Variants in ZEB1 observed in about 807,000 individuals in gnomAD.
ZEB1 encodes zinc finger E-box binding homeobox 1.
ZEB1 carries 21 observed loss-of-function variants against 84.9 expected under a neutral mutation model. The ratio of observed to expected loss-of-function variants is 0.25; its 90% confidence interval spans 0.18 to 0.36. The LOEUF (loss-of-function observed/expected upper bound fraction) is 0.36. ZEB1 is among the 10% of genes least tolerant of loss of function. ZEB1 has a pLI of 1.00. For synonymous variants in ZEB1, 420 were observed against 471.1 expected (o/e 0.89, Z 1.41); for missense variants, 1,104 against 1,330.2 (o/e 0.83, Z 2.65).
At chr10:31,490,416 T>C (rs766511628) in intron 2 of ZEB1, among the ~76,000 whole-genome samples, 4 of 151,736 alleles carry the variant, frequency 2.6e-5, no homozygotes, top group Non-Finnish European at 4.4e-5. Flanking sequence ...ATAGTTTCCA[T>C]TGATGTACTG....
At chr10:31,404,820 A>T (rs1199938726) in intron 1 of ZEB1, among the ~76,000 whole-genome samples, 1 of 152,114 alleles carries the variant, frequency 6.6e-6, no homozygotes, top group Non-Finnish European at 1.5e-5. Context: ...GAAGGCAGAG[A>T]TGGATGACTT....
intron 4 of ZEB1, among the ~76,000 whole-genome samples, chr10:31,504,444 T>C (rs2068612371): frequency 6.6e-6 from 1 of 152,156 alleles, no homozygotes; most frequent in Non-Finnish European, 1.5e-5. Context: ...ATTGGTCTTT[T>C]GTGGTTCCGT....
chr10:31,356,569 G>C (rs2042161110), intron 1 of ZEB1, among the ~76,000 whole-genome samples: 1 of 152,062 alleles, frequency 6.6e-6, no homozygotes, highest in Admixed American at 6.6e-5. Context: ...TCTAGAGATA[G>C]ACTGCTGGTT....
rs2072922114 is a variant in ZEB1 at position 31,524,097 on chromosome 10, T to A, written c.2769T>A (p.His923Gln). The part of the protein sequence containing the change: ...IFQKSSSLLR[H>Q]KYEHTGKRPH... Reference sequence around the variant, plus strand: ...AAAAGAGTAGTTCATTATTGAGACATAAATATGAACACACAGGTATGTCAG... The same window carrying A: ...AAAAGAGTAGTTCATTATTGAGACAAAAATATGAACACACAGGTATGTCAG... The change falls in exon 8 of 9, where the codon CAT (histidine) becomes CAA (glutamine). Residue 923 changes from histidine (H) to glutamine (Q), a missense_variant. His to Gln is a conservative substitution (Grantham distance 24, BLOSUM62 0). Coordinates refer to ENST00000424869, the MANE Select transcript of ZEB1 (RefSeq NM_001174096.2). The A allele has an allele frequency of 3.1e-6, 5 of 1,613,590 alleles. No homozygotes were observed. The highest frequency in any genetic ancestry group is 4.2e-6 in the Non-Finnish European group (5 of 1,179,776).
rs779719030 is a variant in ZEB1 at position 31,495,857 on chromosome 10, C to G, written c.322+19C>G. The G allele has an allele frequency of 3.1e-6, 5 of 1,612,612 alleles. No homozygotes were observed. The highest frequency in any genetic ancestry group is 3.4e-6 in the Non-Finnish European group (4 of 1,178,876). ...TGTACAGGTACTCTGCTGCGACTTT[C>G]TTTCATACCATAGCCTTTAAAAGAA... On this transcript the variant is annotated intron_variant, in intron 3 of 8. Coordinates refer to ENST00000424869, the MANE Select transcript of ZEB1 (RefSeq NM_001174096.2).
chr10:31,376,522 C>T (rs982830774), intron 1 of ZEB1, among the ~76,000 whole-genome samples: 3 of 151,662 alleles, frequency 2.0e-5, no homozygotes, highest in East Asian at 1.9e-4. Context: ...ACATTATAAA[C>T]GTCATTTAAG....
chr10:31,395,237 C>T (rs1252989836), intron 1 of ZEB1, among the ~76,000 whole-genome samples: 1 of 152,184 alleles, frequency 6.6e-6, no homozygotes, highest in Non-Finnish European at 1.5e-5. Context: ...TCTAGTCTCA[C>T]TGTTCTTCAC....
chr10:31,346,563 G>GT (rs143806126), intron 1 of ZEB1, among the ~76,000 whole-genome samples: 2,571 of 148,936 alleles, frequency 0.017, 58 homozygotes, highest in African/African-American at 0.059. Context: ...TGCACGTAGA[G>GT]TTTTTTTTTT....
intron 1 of ZEB1, among the ~76,000 whole-genome samples, chr10:31,438,078 A>G (rs1010802400): frequency 2.0e-5 from 3 of 152,224 alleles, no homozygotes; most frequent in African/African-American, 7.2e-5. Context: ...TATGTGAGAT[A>G]CTATAACCTG....
At position 31,351,918 on chromosome 10, in the gene ZEB1, A is replaced by G. The variant is rs900051340; in HGVS notation, c.58+32626A>G. 1.3e-5 allele frequency among the ~76,000 whole-genome samples: 2 copies of G among 152,188 alleles called. 1 individual carries two copies. The highest frequency in any genetic ancestry group is 2.9e-5 in the Non-Finnish European group (2 of 67,996). ...TGATACTTCACCAAATACAATGTTTATCTTTAAAGAAGTTTCTAAATAAGA... is the reference window on the plus strand; with the variant it reads ...TGATACTTCACCAAATACAATGTTTGTCTTTAAAGAAGTTTCTAAATAAGA... On this transcript the variant is annotated intron_variant, in intron 1 of 8. Coordinates refer to ENST00000424869, the MANE Select transcript of ZEB1 (RefSeq NM_001174096.2).
chr10:31,344,817 G>A (rs2040015470), intron 1 of ZEB1, among the ~76,000 whole-genome samples: 1 of 151,942 alleles, frequency 6.6e-6, no homozygotes, highest in Admixed American at 6.6e-5. Context: ...ATATTAAGGT[G>A]GACTCCTGGA....
chr10:31,476,541 A>G (rs541676088), intron 2 of ZEB1, among the ~76,000 whole-genome samples: 1 of 152,184 alleles, frequency 6.6e-6, no homozygotes, highest in South Asian at 2.1e-4. Flanking sequence ...TCTACAAAGG[A>G]GAGCAGGTAC....
At chr10:31,467,836 C>T (rs952855369) in intron 2 of ZEB1, among the ~76,000 whole-genome samples, 2 of 152,152 alleles carry the variant, frequency 1.3e-5, no homozygotes, top group African/African-American at 4.8e-5. Flanking sequence ...AGGGTATAGC[C>T]TCATAGCCTT....
At chr10:31,353,547 CT>C (rs1179253562) in intron 1 of ZEB1, among the ~76,000 whole-genome samples, 5 of 152,168 alleles carry the variant, frequency 3.3e-5, no homozygotes, top group Non-Finnish European at 7.3e-5. Flanking sequence ...CCTAAGCCAT[CT>C]TTTTAGGTCA....
chr10:31,387,324 T>C lies in ZEB1; in HGVS notation c.58+68032T>C. ...GCCCAGGCTCCTAACCTAAGACTGG[T>C]TTTGGAATGCTCCATTGAGGGTGTG... On this transcript the variant is annotated intron_variant, in intron 1 of 8. Coordinates refer to ENST00000424869, the MANE Select transcript of ZEB1 (RefSeq NM_001174096.2). 3.0e-6 allele frequency: 3 copies of C among 985,350 alleles called. No individual in the cohort carries two copies. In the South Asian group the frequency reaches 1.4e-4, roughly 46 times the overall value. 61.0% of individuals were successfully genotyped at this position (985,350 alleles called of 1,614,324 possible). A position where few individuals can be genotyped will look rare whatever the true frequency, so the allele number is the denominator to read the frequency against.
chr10:31,502,379 A>G lies in ZEB1; in HGVS notation c.354A>G (p.Glu118=), dbSNP rs780977487. ...VKDDECESDA[E]NEQNHDPNVE... ...ATGATGAATGCGAGTCAGATGCAGA[A>G]AATGAGCAAAACCATGATCCTAATG... The change falls in exon 4 of 9, where the codon GAA becomes GAG. Residue 118 remains glutamate, a synonymous_variant. Transcript: ENST00000424869. 5.0e-6 allele frequency: 8 copies of G among 1,613,792 alleles called. No individual in the cohort carries two copies. Among genetic ancestry groups the G allele is most frequent in the Non-Finnish European group, 6.8e-6 (8 of 1,179,848 alleles).
At chr10:31,395,365 A>T (rs1478181858) in intron 1 of ZEB1, among the ~76,000 whole-genome samples, 2 of 152,136 alleles carry the variant, frequency 1.3e-5, no homozygotes, top group Non-Finnish European at 2.9e-5. Context: ...TGCTAACTTT[A>T]TGCAAGAAGA....
intron 1 of ZEB1, among the ~76,000 whole-genome samples, chr10:31,374,224 C>T (rs2046221713): frequency 6.6e-6 from 1 of 151,732 alleles, no homozygotes; most frequent in Non-Finnish European, 1.5e-5. Flanking sequence ...ATTTTTCATG[C>T]CCAATTAGAG....
At chr10:31,485,244 TAATG>T (rs1278432911) in intron 2 of ZEB1, among the ~76,000 whole-genome samples, 1 of 151,904 alleles carries the variant, frequency 6.6e-6, no homozygotes, top group African/African-American at 2.4e-5. Flanking sequence ...GAATCCCTAA[TAATG>T]GCCATTTGCA....
Sources: gnomAD v4.1 joint callset for allele counts (sites outside exome capture counted in the v4.1 genomes callset) on GRCh38, gnomAD v4.1.1 for gene constraint, MANE v1.5 for transcripts, NCBI Gene and HGNC (gene_info 2026-07-23, HGNC 2026-07-21) for gene names.